ARID1B: variants seen among roughly 807,000 people sequenced by gnomAD.
The protein encoded by ARID1B is AT-rich interaction domain 1B.
ARID1B carries 30 observed loss-of-function variants against 212.3 expected under a neutral mutation model. That is an observed-to-expected ratio of 0.14 (90% CI 0.11 to 0.19). The LOEUF (loss-of-function observed/expected upper bound fraction) is 0.19. ARID1B is among the 10% of genes least tolerant of loss of function. The pLI is 1.00. For missense variants in ARID1B, 2,891 were observed against 3,204.0 expected (o/e 0.90, Z 2.36); for synonymous variants, 1,402 against 1,301.7 (o/e 1.08, Z -1.66).
chr6:156,837,081 G>T (rs968384068), intron 2 of ARID1B, among the ~76,000 whole-genome samples: 5 of 152,190 alleles, frequency 3.3e-5, no homozygotes, highest in African/African-American at 9.7e-5. Flanking sequence ...AGAGAAAGAG[G>T]TGTTTCTTTC....
chr6:156,851,427 T>C (rs1202030770), intron 2 of ARID1B, among the ~76,000 whole-genome samples: 1 of 152,254 alleles, frequency 6.6e-6, no homozygotes, highest in Non-Finnish European at 1.5e-5. Flanking sequence ...AAGAATGTTT[T>C]CTGGAAGGGA....
At chr6:156,977,675 TCTTTTGTTTTTGTTTG>T (rs149124622) in intron 4 of ARID1B, among the ~76,000 whole-genome samples, 39,500 of 150,440 alleles carry the variant, frequency 0.26, 5,482 homozygotes, top group Non-Finnish European at 0.31. Context: ...TCATTTGGGG[TCTTTTGTTTTTGTTTG>T]CTTTTGTTTT....
At chr6:156,802,407 A>G (rs1780853493) in intron 1 of ARID1B, among the ~76,000 whole-genome samples, 1 of 152,192 alleles carries the variant, frequency 6.6e-6, no homozygotes, top group Admixed American at 6.5e-5. Context: ...GGAATATTTT[A>G]CCCTTCTTTT....
At chr6:157,117,890 A>T (rs1421830465) in intron 6 of ARID1B, among the ~76,000 whole-genome samples, 2 of 152,076 alleles carry the variant, frequency 1.3e-5, no homozygotes, top group Non-Finnish European at 1.5e-5. Context: ...ATGCATTTCC[A>T]TGACTGCACA....
At chr6:156,812,605 C>T (rs1583084771) in intron 1 of ARID1B, among the ~76,000 whole-genome samples, 1 of 152,120 alleles carries the variant, frequency 6.6e-6, no homozygotes, top group African/African-American at 2.4e-5. Flanking sequence ...TCAGTTTAAA[C>T]AATGTTGAAT....
chr6:156,978,392 A>G lies in ARID1B; in HGVS notation c.2247+42816A>G, dbSNP rs538448979. On this transcript the variant is annotated intron_variant, in intron 4 of 19. Coordinates refer to ENST00000636930, the MANE Select transcript of ARID1B (RefSeq NM_001374828.1). ...AGATCTTGTCCAGATTTTTATTTCT[A>G]TTTTTTAAGGGGGAAATAAATGCAG... Among the ~76,000 whole-genome samples, 16 of 152,290 alleles carry G rather than the reference A, an allele frequency of 1.1e-4. No individual in the cohort carries two copies. The South Asian group carries it at 2.5e-3, about 24-fold the overall frequency.
At chr6:156,802,712 A>G (rs1426850433) in intron 1 of ARID1B, among the ~76,000 whole-genome samples, 1 of 152,246 alleles carries the variant, frequency 6.6e-6, no homozygotes, top group Admixed American at 6.5e-5. Context: ...TGTGCCATAC[A>G]GAGTGCAAAG....
intron 13 of ARID1B, among the ~76,000 whole-genome samples, chr6:157,187,871 T>C (rs1229291720): frequency 6.6e-6 from 1 of 152,096 alleles, no homozygotes; most frequent in African/African-American, 2.4e-5. Context: ...GCAAGTGATG[T>C]TTCCAAGGAG....
intron 1 of ARID1B, among the ~76,000 whole-genome samples, chr6:156,819,584 C>T (rs1404452319): frequency 6.6e-6 from 1 of 152,194 alleles, no homozygotes. Flanking sequence ...CAGGGAAAAA[C>T]TAGGGAACCA....
chr6:157,197,313 C>T (rs1343399125), intron 16 of ARID1B, among the ~76,000 whole-genome samples: 1 of 152,258 alleles, frequency 6.6e-6, no homozygotes, highest in Non-Finnish European at 1.5e-5. Flanking sequence ...CCTTCGGAAG[C>T]TGCGTGTGCT....
intron 4 of ARID1B, among the ~76,000 whole-genome samples, chr6:157,050,014 G>A (rs1178182126): frequency 6.6e-6 from 1 of 152,140 alleles, no homozygotes; most frequent in Non-Finnish European, 1.5e-5. Flanking sequence ...GGCCTCCAAG[G>A]AGTAAGGGAC....
intron 1 of ARID1B, among the ~76,000 whole-genome samples, chr6:156,820,135 G>A (rs1013564903): frequency 1.3e-5 from 2 of 152,302 alleles, no homozygotes; most frequent in Admixed American, 1.3e-4. Flanking sequence ...CTGGGGCTTG[G>A]AGGAAGCAGC....
At position 157,208,897 on chromosome 6, in the gene ARID1B, G is replaced by A; in HGVS notation, c.*1006G>A. On this transcript the variant is annotated 3_prime_UTR_variant, in exon 20 of 20. Coordinates refer to ENST00000636930, the MANE Select transcript of ARID1B (RefSeq NM_001374828.1). ...AAAAACAAAAAAAAAAGAGGGTAAT[G>A]TACAAGTTTCTGTATGTATAAAGTC... 2 of 227,380 alleles carry A rather than the reference G, an allele frequency of 8.8e-6. No homozygotes were observed. Among genetic ancestry groups the A allele is most frequent in the South Asian group, 3.7e-4 (2 of 5,468 alleles). The allele number at this position is 227,380 out of a possible 1,614,324, so 14.1% of individuals were successfully genotyped here.
chr6:157,149,360 T>C (rs1391459366), intron 8 of ARID1B: 3 of 190,022 alleles, frequency 1.6e-5, no homozygotes, highest in African/African-American at 6.8e-5. Flanking sequence ...CCACCTTTTT[T>C]TCACCCTACC....
At position 157,167,170 on chromosome 6, in the gene ARID1B, G is replaced by A. The variant is rs1262364263; in HGVS notation, c.3220G>A (p.Val1074Met). The A allele has an allele frequency of 1.2e-6, 2 of 1,608,098 alleles. No individual in the cohort carries two copies. The highest frequency in any genetic ancestry group is 3.3e-5 in the Admixed American group (2 of 59,966). ...GCCCTACAGCATGGCGCCCGCCATG[G>A]TGAACAGCTCGGCAGGTAACCTTGG... is the stretch of plus-strand genomic sequence containing the variant. ...APPYSMAPAM[V>M]NSSAASVGLA... The change falls in exon 9 of 20, where the codon GTG becomes ATG. Residue 1074 changes from valine (V) to methionine (M), a missense_variant. Val to Met is a conservative substitution (Grantham distance 21). Around this residue, in one of 7 missense-constraint regions of ARID1B, gnomAD observed 1,643 missense variants for 1,544.0 expected, o/e 1.06. Transcript: ENST00000636930.
chr6:157,051,586 C>A (rs1782610361), intron 4 of ARID1B, among the ~76,000 whole-genome samples: 1 of 152,046 alleles, frequency 6.6e-6, no homozygotes, highest in African/African-American at 2.4e-5. Flanking sequence ...TGCAACAATT[C>A]TGAATTTTAT....
At chr6:157,163,767 T>C (rs141163778) in intron 8 of ARID1B, among the ~76,000 whole-genome samples, 34 of 152,350 alleles carry the variant, frequency 2.2e-4, no homozygotes, top group African/African-American at 7.9e-4. Context: ...GTCATCTTTG[T>C]ACAACCGCAG....
At chr6:156,896,576 C>CAAAAAA (rs72490811) in intron 2 of ARID1B, among the ~76,000 whole-genome samples, 876 of 45,816 alleles carry the variant, frequency 0.019, 68 homozygotes, top group Non-Finnish European at 0.024. Context: ...AACTGCGTCT[C>CAAAAAA]AAAAAAAAAA....
At chr6:156,928,509 G>A (rs1281018391) in intron 3 of ARID1B, among the ~76,000 whole-genome samples, 2 of 152,168 alleles carry the variant, frequency 1.3e-5, no homozygotes, top group Non-Finnish European at 2.9e-5. Context: ...CCCGATGAGT[G>A]CAAGGCACTC....
Sources: gnomAD v4.1 joint callset for allele counts (sites outside exome capture counted in the v4.1 genomes callset) on GRCh38, gnomAD v4.1.1 for gene constraint, gnomAD v4.1.1 regional missense constraint, MANE v1.5 for transcripts, NCBI Gene and HGNC (gene_info 2026-07-23, HGNC 2026-07-21) for gene names.